NEMP2: variants seen among roughly 807,000 people sequenced by gnomAD.
NEMP2 encodes the protein UPF0571 transmembrane protein.
A neutral mutation model predicts 54.2 loss-of-function variants in NEMP2; 53 were observed. That is an observed-to-expected ratio of 0.98 (90% CI 0.78 to 1.23). The LOEUF (loss-of-function observed/expected upper bound fraction) is 1.23. Ranked by LOEUF, NEMP2 falls within the 50% of genes most tolerant of loss-of-function variation. The pLI is 0.00. For synonymous variants in NEMP2, 197 were observed against 190.3 expected, an observed-to-expected ratio of 1.04 and a Z score of -0.29; for missense variants, 455 against 511.3, an observed-to-expected ratio of 0.89 and a Z score of 1.06.
At chr2:190,431,136 C>T in the NEMP2 span, among the ~76,000 whole-genome samples, 1 of 150,738 alleles carries the variant, frequency 6.6e-6, no homozygotes. This position sits in a 1 kb window ranked among gnomAD's most constrained non-coding sequence, Gnocchi z 4.4. Flanking sequence ...CTCCCCACAT[C>T]TCAGACGATG....
At chr2:190,634,643 C>G in the NEMP2 span, among the ~76,000 whole-genome samples, 1 of 152,212 alleles carries the variant, frequency 6.6e-6, no homozygotes, top group Non-Finnish European at 1.5e-5. This position sits in a 1 kb window ranked among gnomAD's most constrained non-coding sequence, Gnocchi z 6.8. Flanking sequence ...TAAGGCATAT[C>G]AGGCATTCCC....
chr2:190,476,044 C>T, the NEMP2 span, among the ~76,000 whole-genome samples: 1 of 152,180 alleles, frequency 6.6e-6, no homozygotes, highest in Middle Eastern at 3.2e-3. Context: ...TTCCTTACAC[C>T]TTATACAGAA....
chr2:190,640,938 T>C, the NEMP2 span: 1 of 152,098 alleles, frequency 6.6e-6, no homozygotes, highest in Non-Finnish European at 1.5e-5. Context: ...TCTTTCCTTT[T>C]CCTGACACTT....
At chr2:190,488,474 CTG>C in the NEMP2 span, among the ~76,000 whole-genome samples, 1 of 152,176 alleles carries the variant, frequency 6.6e-6, no homozygotes, top group Non-Finnish European at 1.5e-5. This position sits in a 1 kb window ranked among gnomAD's most constrained non-coding sequence, Gnocchi z 6.4. Context: ...CTGCACAACA[CTG>C]TGAGTGTACT....
At chr2:190,559,081 C>T in the NEMP2 span, among the ~76,000 whole-genome samples, 24 of 152,222 alleles carry the variant, frequency 1.6e-4, no homozygotes, top group African/African-American at 5.3e-4. The surrounding 1 kb of genome is among the most constrained non-coding windows in gnomAD (Gnocchi z 4.0). Flanking sequence ...ATAGCAAGAA[C>T]ATTCAAAGTG....
chr2:190,492,576 G>T, the NEMP2 span, among the ~76,000 whole-genome samples: 2 of 152,184 alleles, frequency 1.3e-5, no homozygotes, highest in Non-Finnish European at 1.5e-5. The surrounding 1 kb of genome is among the most constrained non-coding windows in gnomAD (Gnocchi z 5.2). Flanking sequence ...AATCAATATG[G>T]AAATTTAAAA....
the NEMP2 span, among the ~76,000 whole-genome samples, chr2:190,453,044 T>C: frequency 4.6e-5 from 7 of 152,240 alleles, no homozygotes; most frequent in African/African-American, 1.7e-4. Context: ...TCCTGTGTCA[T>C]GGAGCTCATG....
the NEMP2 span, among the ~76,000 whole-genome samples, chr2:190,600,297 AG>A: frequency 5.3e-5 from 8 of 152,178 alleles, no homozygotes; most frequent in Non-Finnish European, 1.2e-4. This position sits in a 1 kb window ranked among gnomAD's most constrained non-coding sequence, Gnocchi z 4.9. Context: ...GGGGGAGGAA[AG>A]GGGACTCAGT....
chr2:190,532,925 G>T (rs1431657169), intron 1 of NEMP2, among the ~76,000 whole-genome samples: 5 of 152,190 alleles, frequency 3.3e-5, no homozygotes, highest in African/African-American at 1.2e-4. Flanking sequence ...CTTCTTAGCT[G>T]TGGACTAGTT....
chr2:190,482,517 C>T, the NEMP2 span, among the ~76,000 whole-genome samples: 1 of 151,620 alleles, frequency 6.6e-6, no homozygotes, highest in East Asian at 1.9e-4. Flanking sequence ...ATGTTTTGTT[C>T]AGTAAGCTTA....
At chr2:190,461,341 A>G in the NEMP2 span, among the ~76,000 whole-genome samples, 3 of 152,040 alleles carry the variant, frequency 2.0e-5, no homozygotes, top group East Asian at 1.9e-4. This position sits in a 1 kb window ranked among gnomAD's most constrained non-coding sequence, Gnocchi z 5.5. Context: ...TCTCTCTCCC[A>G]CCCCTTGGGC....
At chr2:190,511,770 G>C (rs1690375093) in intron 7 of NEMP2, among the ~76,000 whole-genome samples, 1 of 150,750 alleles carries the variant, frequency 6.6e-6, no homozygotes, top group Non-Finnish European at 1.5e-5. Context: ...TGGTCAGGCT[G>C]GTCTCAAACT....
chr2:190,468,188 A>G, the NEMP2 span, among the ~76,000 whole-genome samples: 1 of 152,192 alleles, frequency 6.6e-6, no homozygotes, highest in Non-Finnish European at 1.5e-5. Context: ...ATTGAAACGT[A>G]CTTTTCTCCT....
Position 190,519,572 on chromosome 2 carries a change from C to A in NEMP2, c.214-389G>T, listed in dbSNP as rs1690683353. 6.6e-6 allele frequency among the ~76,000 whole-genome samples: 1 copy of A among 152,120 alleles called. No homozygotes were observed. Among genetic ancestry groups the A allele is most frequent in the Non-Finnish European group, 1.5e-5 (1 of 68,004 alleles). Reference sequence around the variant, plus strand: ...CATGAGCAGAGGAGTAAAGATAACTCAAAGTCAGCTGAAAAAAGAATACTC... The same window carrying A: ...CATGAGCAGAGGAGTAAAGATAACTAAAAGTCAGCTGAAAAAAGAATACTC... On this transcript the variant is annotated intron_variant, in intron 2 of 8. Transcript: ENST00000409150. The surrounding 1 kb of genome is among the most constrained non-coding windows in gnomAD (Gnocchi z 5.4).
chr2:190,446,129 C>G, the NEMP2 span, among the ~76,000 whole-genome samples: 26 of 152,188 alleles, frequency 1.7e-4, no homozygotes, highest in Admixed American at 1.7e-3. Flanking sequence ...TTGCCACCAT[C>G]AAATGATCTT....
the NEMP2 span, among the ~76,000 whole-genome samples, chr2:190,484,023 G>A: frequency 6.6e-6 from 1 of 152,076 alleles, no homozygotes; most frequent in Non-Finnish European, 1.5e-5. Flanking sequence ...AGGTAAGGAA[G>A]GACTGAGAAA....
chr2:190,598,838 C>A, the NEMP2 span, among the ~76,000 whole-genome samples: 5 of 152,186 alleles, frequency 3.3e-5, no homozygotes, highest in African/African-American at 1.2e-4. Flanking sequence ...AACCTCATAT[C>A]TTGAGTGACT....
the NEMP2 span, among the ~76,000 whole-genome samples, chr2:190,545,696 A>T: frequency 8.4e-3 from 1,285 of 152,292 alleles, 14 homozygotes; most frequent in African/African-American, 0.029. Flanking sequence ...AAATATTTTT[A>T]AAAAGGGGTG....
Position 190,527,797 on chromosome 2 carries a change from G to C in NEMP2, c.98-2419C>G, listed in dbSNP as rs1438565562. On this transcript the variant is annotated intron_variant, in intron 1 of 8. Transcript: ENST00000409150. This position sits in a 1 kb window ranked among gnomAD's most constrained non-coding sequence, Gnocchi z 4.0. ...TCAGCAGTGGCATTAGATTATCATA[G>C]GAGCGTGAACCTTACTGTGAACTGA... Among the ~76,000 whole-genome samples, 4 of 152,108 alleles carry C rather than the reference G, an allele frequency of 2.6e-5. No individual in the cohort carries two copies. Among genetic ancestry groups the C allele is most frequent in the African/African-American group, 7.2e-5 (3 of 41,424 alleles).
Sources: allele counts gnomAD v4.1 joint callset (sites outside exome capture counted in the v4.1 genomes callset), GRCh38; gene constraint gnomAD v4.1.1; non-coding constraint Gnocchi (gnomAD v3.1); transcripts MANE v1.5; gene names NCBI Gene and HGNC (gene_info 2026-07-23, HGNC 2026-07-21).